Variants in DPYD observed in about 807,000 individuals in gnomAD.
DPYD encodes dihydropyrimidine dehydrogenase [NADP(+)].
In DPYD, 109 loss-of-function variants were observed where a neutral mutation model predicts 116.2. The ratio of observed to expected loss-of-function variants is 0.94; its 90% CI spans 0.80 to 1.10. The LOEUF (loss-of-function observed/expected upper bound fraction) is 1.10. DPYD is among the 50% of genes least tolerant of loss of function. The probability of loss-of-function intolerance (pLI) is 0.00; values close to 1 mark genes in which losing one functional copy is unlikely to be tolerated. For synonymous variants in DPYD, 440 were observed against 432.0 expected, an observed-to-expected ratio of 1.02 and a Z score of -0.23; for missense variants, 1,302 against 1,254.5, an observed-to-expected ratio of 1.04 and a Z score of -0.57.
chr1:97,729,199 C>A (rs978827463), intron 4 of DPYD, among the ~76,000 whole-genome samples: 1 of 152,068 alleles, frequency 6.6e-6, no homozygotes, highest in African/African-American at 2.4e-5. Flanking sequence ...CAGGCACATA[C>A]AAGCACGTGC....
chr1:97,697,461 A>T (rs1482304514), intron 6 of DPYD, among the ~76,000 whole-genome samples: 1 of 152,096 alleles, frequency 6.6e-6, no homozygotes, highest in Non-Finnish European at 1.5e-5. Context: ...AGTAACAGGA[A>T]AGTTTTGTGG....
chr1:97,241,005 T>G (rs1485203112), intron 18 of DPYD, among the ~76,000 whole-genome samples: 1 of 151,930 alleles, frequency 6.6e-6, no homozygotes, highest in Non-Finnish European at 1.5e-5. Flanking sequence ...AGAGAAGAAA[T>G]GGAAAAAATA....
chr1:97,819,587 T>C (rs570574374), intron 3 of DPYD, among the ~76,000 whole-genome samples: 5 of 152,058 alleles, frequency 3.3e-5, no homozygotes, highest in Non-Finnish European at 7.4e-5. Flanking sequence ...CTGGAAGTAT[T>C]TTGTTAATAC....
chr1:97,275,738 A>G (rs551382761), intron 18 of DPYD, among the ~76,000 whole-genome samples: 13 of 152,176 alleles, frequency 8.5e-5, no homozygotes, highest in Non-Finnish European at 1.9e-4. Flanking sequence ...AACCTTGAAG[A>G]TTAATTTATC....
chr1:97,384,760 A>C (rs1244459564), intron 14 of DPYD, among the ~76,000 whole-genome samples: 1 of 152,138 alleles, frequency 6.6e-6, no homozygotes, highest in East Asian at 1.9e-4. Context: ...AAGATCTGAG[A>C]CTCTGAATCA....
intron 16 of DPYD, among the ~76,000 whole-genome samples, chr1:97,346,340 G>A (rs1017554219): frequency 6.6e-6 from 1 of 151,766 alleles, no homozygotes; most frequent in East Asian, 1.9e-4. Flanking sequence ...GTGGTTGCTC[G>A]ATCCTTTTTT....
chr1:97,638,183 A>C (rs1437355700), intron 8 of DPYD, among the ~76,000 whole-genome samples: 1 of 152,132 alleles, frequency 6.6e-6, no homozygotes, highest in Non-Finnish European at 1.5e-5. Context: ...CACATGCATA[A>C]CATTTTCAAA....
chr1:97,626,927 C>T (rs1050647790), intron 8 of DPYD, among the ~76,000 whole-genome samples: 2 of 151,996 alleles, frequency 1.3e-5, no homozygotes, highest in Admixed American at 1.3e-4. Context: ...TTAGTTCCGG[C>T]TTCTATGTCA....
rs547903644 is a variant in DPYD at position 97,884,949 on chromosome 1, C to A, written c.40-1575G>T. ...TTTTGATCTTTGATTTCCTCACATG[C>A]AAAATAGGGCAACACCTGAATCAGA... On this transcript the variant is annotated intron_variant, in intron 1 of 22. Coordinates refer to ENST00000370192, the MANE Select transcript of DPYD (RefSeq NM_000110.4). Among the ~76,000 whole-genome samples the A allele has an allele frequency of 1.3e-4, 19 of 151,984 alleles. No homozygotes were observed. The East Asian group carries it at 3.1e-3, about 25-fold the overall frequency.
intron 16 of DPYD, among the ~76,000 whole-genome samples, chr1:97,311,140 G>A (rs1394584185): frequency 6.6e-6 from 1 of 151,584 alleles, no homozygotes; most frequent in African/African-American, 2.4e-5. Flanking sequence ...TAATGGAAAT[G>A]TTCCATTTTC....
At chr1:97,866,174 T>C (rs1671366010) in intron 2 of DPYD, among the ~76,000 whole-genome samples, 1 of 151,982 alleles carries the variant, frequency 6.6e-6, no homozygotes, top group Non-Finnish European at 1.5e-5. Context: ...CTATTTTCCA[T>C]TCATTCTCCT....
intron 13 of DPYD, among the ~76,000 whole-genome samples, chr1:97,484,526 C>A (rs1678508386): frequency 1.3e-5 from 2 of 152,100 alleles, no homozygotes; most frequent in Admixed American, 6.6e-5. Flanking sequence ...TTTGTGGCCA[C>A]CATGTTCTTC....
chr1:97,520,960 G>A (rs747692116), intron 12 of DPYD, among the ~76,000 whole-genome samples: 3 of 152,082 alleles, frequency 2.0e-5, no homozygotes, highest in Non-Finnish European at 2.9e-5. Context: ...CTTTATAGTA[G>A]AATGATTTAT....
chr1:97,749,191 T>G (rs182038343), intron 3 of DPYD, among the ~76,000 whole-genome samples: 4 of 152,316 alleles, frequency 2.6e-5, no homozygotes, highest in African/African-American at 4.8e-5. Context: ...CGTGACAAAA[T>G]AGGCTATCCA....
intron 16 of DPYD, among the ~76,000 whole-genome samples, chr1:97,359,450 T>C (rs1670599149): frequency 6.6e-6 from 1 of 152,006 alleles, no homozygotes; most frequent in South Asian, 2.1e-4. Flanking sequence ...ATTCAGGAAA[T>C]AGAGAGAACA....
At chr1:97,278,042 TTA>T (rs1665067686) in intron 18 of DPYD, among the ~76,000 whole-genome samples, 1 of 152,234 alleles carries the variant, frequency 6.6e-6, no homozygotes, top group African/African-American at 2.4e-5. Context: ...CTAGTTCACC[TTA>T]TGTGACTAAC....
chr1:97,815,517 T>C (rs1298643170), intron 3 of DPYD, among the ~76,000 whole-genome samples: 1 of 152,082 alleles, frequency 6.6e-6, no homozygotes, highest in African/African-American at 2.4e-5. Flanking sequence ...GAAAGGATAG[T>C]CAATTGAAGC....
intron 20 of DPYD, among the ~76,000 whole-genome samples, chr1:97,105,574 G>A (rs1651077090): frequency 6.6e-6 from 1 of 152,052 alleles, no homozygotes; most frequent in South Asian, 2.1e-4. Flanking sequence ...GAGGTTTGAG[G>A]GAGATTCAGA....
At chr1:97,421,969 G>A (rs2101700823) in intron 14 of DPYD, among the ~76,000 whole-genome samples, 1 of 152,174 alleles carries the variant, frequency 6.6e-6, no homozygotes, top group South Asian at 2.1e-4. Flanking sequence ...TACAGAATAG[G>A]GGCAGTGGGG....
Sources: allele counts gnomAD v4.1 joint callset (sites outside exome capture counted in the v4.1 genomes callset), GRCh38; gene constraint gnomAD v4.1.1; transcripts MANE v1.5; gene names NCBI Gene and HGNC (gene_info 2026-07-23, HGNC 2026-07-21).